Variants in KLF8 observed in about 807,000 individuals in gnomAD.
KLF8 encodes the protein KLF transcription factor 8.
KLF8 carries 10 observed loss-of-function variants against 18.2 expected under a neutral mutation model. The observed-to-expected ratio is 0.55, with a 90% confidence interval of 0.34 to 0.93. KLF8 has a LOEUF of 0.93. KLF8 is among the 40% of genes least tolerant of loss of function. The probability of loss-of-function intolerance (pLI) is 0.02; values close to 1 mark genes in which losing one functional copy is unlikely to be tolerated. For synonymous variants in KLF8, 109 were observed against 97.3 expected, an observed-to-expected ratio of 1.12 and a Z score of -0.71; for missense variants, 264 against 277.9, an observed-to-expected ratio of 0.95 and a Z score of 0.36.
chrX:56,132,000 C>T, the KLF8 span, among the ~76,000 whole-genome samples: 2 of 111,671 alleles, frequency 1.8e-5, no homozygotes, highest in Non-Finnish European at 3.8e-5. Flanking sequence ...ACAATTACAA[C>T]TAGACCTATG....
rs2066433989 is a variant in KLF8 at position 56,233,798 on chromosome X, G to A, written c.7+457G>A. Among the ~76,000 whole-genome samples the A allele has an allele frequency of 2.7e-5, 3 of 112,010 alleles. No homozygotes were observed. In the South Asian group the frequency reaches 1.1e-3, roughly 42 times the overall value. ...TGAAAAGAAGGAGGAGGGGACAGTGGTTTAAGGTGCAAAGTTAGGCTATTG... is the reference window on the plus strand; with the variant it reads ...TGAAAAGAAGGAGGAGGGGACAGTGATTTAAGGTGCAAAGTTAGGCTATTG... On this transcript the variant is annotated intron_variant, in intron 1 of 5. Coordinates refer to ENST00000468660, the MANE Select transcript of KLF8 (RefSeq NM_007250.5).
At chrX:56,053,189 C>A in the KLF8 span, among the ~76,000 whole-genome samples, 151 of 112,463 alleles carry the variant, frequency 1.3e-3, no homozygotes, top group African/African-American at 4.7e-3. Flanking sequence ...GTGAGATGAA[C>A]CCGGTACCTC....
chrX:56,042,157 G>A, the KLF8 span, among the ~76,000 whole-genome samples: 12 of 112,153 alleles, frequency 1.1e-4, no homozygotes, highest in Admixed American at 1.9e-4. Flanking sequence ...TCAGGAGCAG[G>A]TTGTTCAATT....
the KLF8 span, among the ~76,000 whole-genome samples, chrX:55,943,221 C>T: frequency 9.0e-6 from 1 of 110,721 alleles, no homozygotes; most frequent in Middle Eastern, 4.6e-3. Flanking sequence ...TAGTGCTGGT[C>T]ATATTGAATT....
At chrX:55,942,855 T>G in the KLF8 span, among the ~76,000 whole-genome samples, 2 of 111,954 alleles carry the variant, frequency 1.8e-5, no homozygotes, top group African/African-American at 6.5e-5. Flanking sequence ...GGCTGGTGCA[T>G]AGTCATCAAG....
chrX:56,038,700 G>T, the KLF8 span, among the ~76,000 whole-genome samples: 1 of 112,420 alleles, frequency 8.9e-6, no homozygotes, highest in African/African-American at 3.2e-5. Flanking sequence ...ATCTATAATA[G>T]AACGATTTAT....
At chrX:55,924,123 G>A in the KLF8 span, among the ~76,000 whole-genome samples, 1 of 111,537 alleles carries the variant, frequency 9.0e-6, no homozygotes, top group South Asian at 3.8e-4. Flanking sequence ...AGGCTGGAGT[G>A]CAGTGGCGCG....
the KLF8 span, among the ~76,000 whole-genome samples, chrX:56,047,265 GT>G: frequency 9.3e-6 from 1 of 107,714 alleles, no homozygotes; most frequent in Non-Finnish European, 1.9e-5. Flanking sequence ...TATTTTTTTC[GT>G]TTTTTTATTA....
upstream of KLF8, among the ~76,000 whole-genome samples, chrX:56,228,051 C>T (rs1219583180): frequency 3.6e-5 from 4 of 111,678 alleles, no homozygotes; most frequent in Non-Finnish European, 7.5e-5. Context: ...TGTTTCTGGC[C>T]CATTGGCCAT....
At chrX:55,995,648 G>A in the KLF8 span, among the ~76,000 whole-genome samples, 4 of 111,744 alleles carry the variant, frequency 3.6e-5, no homozygotes, top group Non-Finnish European at 7.5e-5. Context: ...AGCTTAGTTT[G>A]GCAGGATATG....
the KLF8 span, among the ~76,000 whole-genome samples, chrX:55,969,816 A>G: frequency 3.6e-5 from 4 of 111,823 alleles, no homozygotes; most frequent in Non-Finnish European, 5.7e-5. Context: ...ACAATTATAC[A>G]CCAATAAATT....
At chrX:56,207,786 G>T in the KLF8 span, among the ~76,000 whole-genome samples, 20 of 109,715 alleles carry the variant, frequency 1.8e-4, no homozygotes, top group Admixed American at 1.8e-3. Context: ...CACATTTTTG[G>T]GTATCTTTAC....
At chrX:55,955,245 A>G in the KLF8 span, among the ~76,000 whole-genome samples, 6 of 111,531 alleles carry the variant, frequency 5.4e-5, no homozygotes, top group South Asian at 2.3e-3. Context: ...AAAAAATTAT[A>G]GGAAGAAAGA....
the KLF8 span, among the ~76,000 whole-genome samples, chrX:56,048,628 T>A: frequency 8.9e-6 from 1 of 111,895 alleles, no homozygotes; most frequent in Non-Finnish European, 1.9e-5. Context: ...TTGGTCTATA[T>A]CTCTGTTTTG....
the KLF8 span, among the ~76,000 whole-genome samples, chrX:55,988,835 C>T: frequency 7.2e-5 from 8 of 111,752 alleles, no homozygotes; most frequent in African/African-American, 1.6e-4. Flanking sequence ...TACGCATGAG[C>T]ATGGAACGTT....
At chrX:56,046,777 T>C in the KLF8 span, among the ~76,000 whole-genome samples, 282 of 111,646 alleles carry the variant, frequency 2.5e-3, no homozygotes, top group African/African-American at 8.7e-3. Flanking sequence ...TTTTATAGGT[T>C]ACCTGATGCT....
At chrX:56,070,521 A>G in the KLF8 span, among the ~76,000 whole-genome samples, 1 of 111,625 alleles carries the variant, frequency 9.0e-6, no homozygotes, top group Non-Finnish European at 1.9e-5. Context: ...AGGGCCATGG[A>G]TGAAGCTGGA....
At chrX:56,191,526 A>G in the KLF8 span, among the ~76,000 whole-genome samples, 42 of 112,032 alleles carry the variant, frequency 3.7e-4, no homozygotes, top group Non-Finnish European at 7.4e-4. Context: ...AGTATCACTG[A>G]TAAGTATTGA....
At chrX:56,145,536 A>G in the KLF8 span, among the ~76,000 whole-genome samples, 1 of 112,564 alleles carries the variant, frequency 8.9e-6, no homozygotes. Flanking sequence ...CAATAACCAA[A>G]AAGTAGAACC....
Sources: gnomAD v4.1 joint callset for allele counts (sites outside exome capture counted in the v4.1 genomes callset) on GRCh38, gnomAD v4.1.1 for gene constraint, MANE v1.5 for transcripts, NCBI Gene and HGNC (gene_info 2026-07-23, HGNC 2026-07-21) for gene names.